The following CMSS1 variants were observed in gnomAD, a reference collection of about 807,000 sequenced individuals.
CMSS1 encodes protein CMSS1.
CMSS1 carries 33 observed loss-of-function variants against 43.5 expected under a neutral mutation model. That is an observed-to-expected ratio of 0.76 (90% confidence interval 0.57 to 1.01). CMSS1 has a LOEUF of 1.01. CMSS1 is among the 50% of genes least tolerant of loss of function. The pLI, the probability that CMSS1 is intolerant of heterozygous loss-of-function variation, is 0.00. For synonymous variants in CMSS1, 115 were observed against 117.2 expected, an observed-to-expected ratio of 0.98 and a Z score of 0.12; for missense variants, 313 against 326.4, an observed-to-expected ratio of 0.96 and a Z score of 0.32.
intron 1 of CMSS1, among the ~76,000 whole-genome samples, chr3:99,880,776 T>G (rs941935357): frequency 3.9e-5 from 6 of 152,196 alleles, no homozygotes; most frequent in Non-Finnish European, 7.4e-5. Context: ...TCCTACCACA[T>G]GAATACTGCC....
Position 100,104,529 on chromosome 3 carries a change from A to T in CMSS1, c.65-42444A>T, listed in dbSNP as rs1333800928. Among the ~76,000 whole-genome samples the T allele has an allele frequency of 2.6e-5, 4 of 152,312 alleles. No individual in the cohort carries two copies. The South Asian group carries it at 6.2e-4, about 24-fold the overall frequency. On this transcript the variant is annotated intron_variant, in intron 1 of 9. Coordinates refer to ENST00000421999, the MANE Select transcript of CMSS1 (RefSeq NM_032359.4). Reference sequence around the variant, plus strand: ...TTTGTTTAAAGAACAATGGCTTGGAACATAGGCCTGTGTTCCCAAGACCCA... The same window carrying T: ...TTTGTTTAAAGAACAATGGCTTGGATCATAGGCCTGTGTTCCCAAGACCCA...
At chr3:100,114,957 A>G (rs1463551691) in intron 1 of CMSS1, 1 of 1,535,852 alleles carries the variant, frequency 6.5e-7, no homozygotes, top group Admixed American at 2.0e-5. Flanking sequence ...CACGAGGGCA[A>G]AGTGCTGAGG....
intron 1 of CMSS1, among the ~76,000 whole-genome samples, chr3:100,021,847 C>CAA (rs2064822895): frequency 6.6e-6 from 1 of 150,878 alleles, no homozygotes. Flanking sequence ...CAGTGATTTG[C>CAA]TGGTTAAAGG....
chr3:99,924,385 A>G, intron 1 of CMSS1: 1 of 1,614,040 alleles, frequency 6.2e-7, no homozygotes, highest in South Asian at 1.1e-5. Context: ...AAGATTCTTT[A>G]TGTTTTTCCA....
intron 8 of CMSS1, among the ~76,000 whole-genome samples, chr3:100,173,235 G>T (rs1284850573): frequency 1.3e-5 from 2 of 152,106 alleles, no homozygotes; most frequent in Non-Finnish European, 2.9e-5. Flanking sequence ...GCAGAGTTTT[G>T]TACAAATACC....
At chr3:100,106,793 A>T (rs2066403155) in intron 1 of CMSS1, among the ~76,000 whole-genome samples, 1 of 152,134 alleles carries the variant, frequency 6.6e-6, no homozygotes, top group African/African-American at 2.4e-5. Context: ...TCCTAACCTA[A>T]TGCCCTGATC....
intron 1 of CMSS1, among the ~76,000 whole-genome samples, chr3:99,922,159 G>GATC (rs1707145631): frequency 1.3e-5 from 2 of 152,148 alleles, no homozygotes. Context: ...CTCTGACCGT[G>GATC]ATCAGTAAAT....
chr3:100,002,633 T>G (rs949402072), intron 1 of CMSS1, among the ~76,000 whole-genome samples: 8 of 152,186 alleles, frequency 5.3e-5, no homozygotes, highest in African/African-American at 1.9e-4. Context: ...ATCATATGGG[T>G]GTGATTGACC....
chr3:99,961,626 C>G (rs1708493447), intron 1 of CMSS1, among the ~76,000 whole-genome samples: 1 of 152,094 alleles, frequency 6.6e-6, no homozygotes, highest in East Asian at 1.9e-4. Context: ...GGAAAGGCTC[C>G]TGGGAACCGA....
intron 8 of CMSS1, among the ~76,000 whole-genome samples, chr3:100,174,059 A>C (rs1204067681): frequency 6.6e-6 from 1 of 152,254 alleles, no homozygotes; most frequent in Non-Finnish European, 1.5e-5. Flanking sequence ...TCTTGCTTGG[A>C]AACTTCGTGG....
intron 1 of CMSS1, among the ~76,000 whole-genome samples, chr3:99,941,068 A>T (rs1707835904): frequency 6.6e-6 from 1 of 152,262 alleles, no homozygotes; most frequent in Non-Finnish European, 1.5e-5. Context: ...TTGCCTCTGA[A>T]GCATATAAGT....
chr3:100,170,577 A>C (rs1576120639), intron 6 of CMSS1, among the ~76,000 whole-genome samples: 1 of 152,192 alleles, frequency 6.6e-6, no homozygotes, highest in Non-Finnish European at 1.5e-5. Context: ...GAGTTCCCTG[A>C]GAAATAGTTT....
At chr3:99,957,241 T>G (rs745976021) in intron 1 of CMSS1, among the ~76,000 whole-genome samples, 9 of 152,204 alleles carry the variant, frequency 5.9e-5, no homozygotes, top group Non-Finnish European at 8.8e-5. Context: ...GCATGGAAAG[T>G]AGTAACAGCA....
intron 1 of CMSS1, among the ~76,000 whole-genome samples, chr3:99,886,500 A>G (rs186882323): frequency 4.2e-4 from 64 of 152,264 alleles, no homozygotes; most frequent in Admixed American, 6.5e-4. Flanking sequence ...GTCCTGGGTC[A>G]CTTGCAACCC....
intron 1 of CMSS1, among the ~76,000 whole-genome samples, chr3:99,835,279 C>T (rs1367863629): frequency 6.6e-6 from 1 of 152,192 alleles, no homozygotes; most frequent in Non-Finnish European, 1.5e-5. Flanking sequence ...GCTACTTTGT[C>T]TGGTCCTTGT....
chr3:100,014,708 G>A (rs567743262), intron 1 of CMSS1, among the ~76,000 whole-genome samples: 1 of 150,244 alleles, frequency 6.7e-6, no homozygotes, highest in African/African-American at 2.4e-5. Context: ...AGTTCTTTGA[G>A]TTCCCTATAT....
At chr3:100,010,778 A>ATTTTTTTTTTTTTTTTTTTTTT (rs11371196) in intron 1 of CMSS1, among the ~76,000 whole-genome samples, 2 of 93,678 alleles carry the variant, frequency 2.1e-5, no homozygotes, top group Non-Finnish European at 2.0e-5. Flanking sequence ...CCACGCCCGG[A>ATTTTTTTTTTTTTTTTTTTTTT]TTTTTTTTTT....
At chr3:99,826,578 C>A (rs1366036562) in intron 1 of CMSS1, among the ~76,000 whole-genome samples, 1 of 152,160 alleles carries the variant, frequency 6.6e-6, no homozygotes, top group Admixed American at 6.5e-5. Context: ...GGCCTGTGAA[C>A]CGCAGTTTGC....
intron 1 of CMSS1, among the ~76,000 whole-genome samples, chr3:99,966,103 G>T (rs1576606397): frequency 6.6e-6 from 1 of 152,298 alleles, no homozygotes; most frequent in East Asian, 1.9e-4. Flanking sequence ...ATATTTACAG[G>T]GATATCTCTC....
Sources: allele counts gnomAD v4.1 joint callset (sites outside exome capture counted in the v4.1 genomes callset), GRCh38; gene constraint gnomAD v4.1.1; transcripts MANE v1.5; gene names NCBI Gene and HGNC (gene_info 2026-07-23, HGNC 2026-07-21).